Variants in OLFM3 observed in about 807,000 individuals in gnomAD.
OLFM3 encodes the protein noelin-3.
A neutral mutation model predicts 48.6 loss-of-function variants in OLFM3; 20 were observed. The observed-to-expected ratio is 0.41, with a 90% confidence interval of 0.29 to 0.60. OLFM3 has a LOEUF of 0.60. OLFM3 is among the 20% of genes least tolerant of loss of function. The probability of loss-of-function intolerance (pLI) is 0.28; values close to 1 mark genes in which losing one functional copy is unlikely to be tolerated. For missense variants in OLFM3, 437 were observed against 544.3 expected, an observed-to-expected ratio of 0.80 and a Z score of 1.96; for synonymous variants, 222 against 198.1, an observed-to-expected ratio of 1.12 and a Z score of -1.01.
chr1:101,822,135 G>T (rs1032965287), intron 4 of OLFM3, among the ~76,000 whole-genome samples: 3 of 151,974 alleles, frequency 2.0e-5, no homozygotes, highest in Non-Finnish European at 4.4e-5. Context: ...TATTTGGGGG[G>T]TTACATGTGG....
chr1:101,813,097 T>G, intron 4 of OLFM3: 1 of 1,290,366 alleles, frequency 7.7e-7, no homozygotes, highest in Non-Finnish European at 1.0e-6. Flanking sequence ...TTGCTTATGC[T>G]TCTCCTTTCT....
intron 1 of OLFM3, among the ~76,000 whole-genome samples, chr1:101,986,646 G>A (rs1661251788): frequency 1.3e-5 from 2 of 152,136 alleles, no homozygotes. Flanking sequence ...TAGACAAAAT[G>A]CAGTCAAGCT....
intron 1 of OLFM3, among the ~76,000 whole-genome samples, chr1:101,841,240 T>A (rs1298597261): frequency 1.3e-5 from 2 of 152,212 alleles, no homozygotes; most frequent in African/African-American, 2.4e-5. Flanking sequence ...AAATCCCTGC[T>A]ATTGTTTTAG....
At chr1:101,982,799 T>C (rs1478478970) in intron 1 of OLFM3, among the ~76,000 whole-genome samples, 3 of 152,092 alleles carry the variant, frequency 2.0e-5, no homozygotes, top group Non-Finnish European at 4.4e-5. Context: ...AACTATACCC[T>C]CTCCTTGGTG....
intron 4 of OLFM3, among the ~76,000 whole-genome samples, chr1:101,818,697 C>G (rs1027183343): frequency 1.3e-5 from 2 of 152,000 alleles, no homozygotes; most frequent in Non-Finnish European, 2.9e-5. Context: ...TACTGCATTG[C>G]CATTGAAGAG....
At chr1:101,918,216 G>C (rs150515198) in intron 1 of OLFM3, among the ~76,000 whole-genome samples, 3 of 152,166 alleles carry the variant, frequency 2.0e-5, no homozygotes, top group Admixed American at 2.0e-4. Context: ...TAAATTTCCT[G>C]AGGAATCTAG....
chr1:101,944,535 A>C (rs1570653122), intron 1 of OLFM3, among the ~76,000 whole-genome samples: 1 of 152,136 alleles, frequency 6.6e-6, no homozygotes, highest in South Asian at 2.1e-4. Context: ...CCACATGTGC[A>C]CCTGCCCATC....
chr1:101,970,890 C>A (rs1475169557), intron 1 of OLFM3, among the ~76,000 whole-genome samples: 1 of 152,094 alleles, frequency 6.6e-6, no homozygotes, highest in Admixed American at 6.5e-5. Context: ...TAATAGATTG[C>A]GGCATGACAA....
intron 1 of OLFM3, among the ~76,000 whole-genome samples, chr1:101,912,202 T>C (rs573296973): frequency 6.6e-6 from 1 of 152,316 alleles, no homozygotes; most frequent in East Asian, 1.9e-4. Context: ...TTAGGCCTTC[T>C]CTACTGCTAT....
At chr1:101,944,271 A>C (rs1659887237) in intron 1 of OLFM3, among the ~76,000 whole-genome samples, 1 of 152,116 alleles carries the variant, frequency 6.6e-6, no homozygotes, top group African/African-American at 2.4e-5. Context: ...GTTACCACAG[A>C]CCAGAACATA....
At chr1:101,949,197 C>T (rs1192421187) in intron 1 of OLFM3, among the ~76,000 whole-genome samples, 1 of 152,078 alleles carries the variant, frequency 6.6e-6, no homozygotes, top group Non-Finnish European at 1.5e-5. Flanking sequence ...TTCCAAAACA[C>T]CACTGTTTAT....
intron 1 of OLFM3, among the ~76,000 whole-genome samples, chr1:101,928,989 A>G (rs576745747): frequency 6.6e-6 from 1 of 152,162 alleles, no homozygotes; most frequent in South Asian, 2.1e-4. Context: ...TGCCCCTTCT[A>G]TGTAAAGAGC....
intron 1 of OLFM3, among the ~76,000 whole-genome samples, chr1:101,990,501 C>T (rs538652722): frequency 3.9e-4 from 59 of 152,098 alleles, no homozygotes; most frequent in Non-Finnish European, 7.5e-4. Flanking sequence ...AGCTCCATTG[C>T]TGTTATATTA....
At chr1:101,807,591 A>G (rs1351732984) in intron 4 of OLFM3, among the ~76,000 whole-genome samples, 4 of 151,834 alleles carry the variant, frequency 2.6e-5, no homozygotes, top group Non-Finnish European at 4.4e-5. Context: ...TAATTGGCAG[A>G]ATACTAAGCT....
chr1:101,948,533 A>T (rs1660027752), intron 1 of OLFM3, among the ~76,000 whole-genome samples: 1 of 152,022 alleles, frequency 6.6e-6, no homozygotes, highest in Non-Finnish European at 1.5e-5. Flanking sequence ...ATTATTTTTT[A>T]GTTTAGTGCT....
chr1:101,857,593 T>TC (rs1483155859), intron 1 of OLFM3, among the ~76,000 whole-genome samples: 3 of 151,538 alleles, frequency 2.0e-5, no homozygotes, highest in South Asian at 2.1e-4. Flanking sequence ...TGCTCTCCTT[T>TC]CCCCCCTCTC....
At chr1:101,924,974 G>C (rs1484577315) in intron 1 of OLFM3, among the ~76,000 whole-genome samples, 3 of 152,120 alleles carry the variant, frequency 2.0e-5, no homozygotes, top group African/African-American at 4.8e-5. Flanking sequence ...GATCACAGGG[G>C]AATGAATAAA....
chr1:101,934,756 C>T (rs1659559364), intron 1 of OLFM3, among the ~76,000 whole-genome samples: 1 of 151,832 alleles, frequency 6.6e-6, no homozygotes, highest in Admixed American at 6.6e-5. Flanking sequence ...AAAACAAAAT[C>T]ACACCAAAAC....
chr1:101,915,446 T>C (rs1658893942), intron 1 of OLFM3, among the ~76,000 whole-genome samples: 2 of 152,074 alleles, frequency 1.3e-5, no homozygotes, highest in Non-Finnish European at 2.9e-5. Flanking sequence ...AGTATCGTGC[T>C]ATTGAAACAA....
Sources: allele counts gnomAD v4.1 joint callset (sites outside exome capture counted in the v4.1 genomes callset), GRCh38; gene constraint gnomAD v4.1.1; transcripts MANE v1.5; gene names NCBI Gene and HGNC (gene_info 2026-07-23, HGNC 2026-07-21).